The following GTF3C6 variants were observed in gnomAD, a reference collection of about 807,000 sequenced individuals.
The protein encoded by GTF3C6 is general transcription factor IIIC subunit 6.
GTF3C6 carries 11 observed loss-of-function variants against 19.2 expected under a neutral mutation model. The observed-to-expected ratio is 0.57, with a 90% confidence interval of 0.36 to 0.95. The LOEUF (loss-of-function observed/expected upper bound fraction) is 0.95, where lower values mean the gene tolerates loss of function less well. Among genes scored for constraint, GTF3C6 ranks in the 40% least tolerant of loss-of-function variants. GTF3C6 has a pLI of 0.01. For missense variants in GTF3C6, 222 were observed against 254.7 expected, an observed-to-expected ratio of 0.87 and a Z score of 0.87; for synonymous variants, 87 against 84.2, an observed-to-expected ratio of 1.03 and a Z score of -0.18.
intron 4 of GTF3C6, among the ~76,000 whole-genome samples, chr6:110,961,238 C>T (rs1017882831): frequency 6.6e-6 from 1 of 151,404 alleles, no homozygotes; most frequent in Non-Finnish European, 1.5e-5. Flanking sequence ...GCAACCTCCA[C>T]CTCCCAGGTT....
chr6:110,959,122 C>T (rs374925768), intron 1 of GTF3C6, 50 bp from the exon 2 acceptor site: 126 of 1,333,228 alleles, frequency 9.5e-5, no homozygotes, highest in Non-Finnish European at 1.3e-4. Context: ...CTAATTGCTC[C>T]CTCTTGGCCG....
chr6:110,966,365 T>C (rs1771229374), intron 5 of GTF3C6, among the ~76,000 whole-genome samples: 1 of 152,060 alleles, frequency 6.6e-6, no homozygotes, highest in Non-Finnish European at 1.5e-5. Context: ...TAATCCCAGC[T>C]ACTCGGGAGG....
chr6:110,958,752 G>GC lies in GTF3C6; in HGVS notation c.-17dup. On this transcript the variant is annotated 5_prime_UTR_variant, in exon 1 of 6. Transcript: ENST00000329970. ...GGCGGGCGTGGCCAGTGACTAGAAG[G>GC]CGAGGCGCCGCGGGACCATGGCGGC... is the stretch of plus-strand genomic sequence containing the variant. The GC allele has an allele frequency of 6.4e-7, 1 of 1,550,578 alleles. No individual in the cohort carries two copies. The highest frequency in any genetic ancestry group is 8.7e-7 in the Non-Finnish European group (1 of 1,146,882).
intron 5 of GTF3C6, among the ~76,000 whole-genome samples, chr6:110,964,571 C>G (rs1339402407): frequency 6.6e-6 from 1 of 152,004 alleles, no homozygotes; most frequent in Non-Finnish European, 1.5e-5. Context: ...GAGTCTCACC[C>G]TGTTGCCTGG....
At position 110,960,741 on chromosome 6, in the gene GTF3C6, A is replaced by T. The variant is rs1012933174; in HGVS notation, c.247+125A>T. On this transcript the variant is annotated intron_variant, in intron 4 of 5. Transcript: ENST00000329970. Reference sequence around the variant, plus strand: ...CCTATCATTTTCCCAAACGTGACTCAGATTATAGTTAAAAAAAAAAAATGC... The same window carrying T: ...CCTATCATTTTCCCAAACGTGACTCTGATTATAGTTAAAAAAAAAAAATGC... 30 of 831,418 alleles carry T rather than the reference A, an allele frequency of 3.6e-5. No individual in the cohort carries two copies. In the African/African-American group the frequency reaches 5.1e-4, roughly 14 times the overall value. 51.5% of individuals were successfully genotyped at this position (831,418 alleles called of 1,614,324 possible).
chr6:110,963,727 A>G (rs569886719), intron 5 of GTF3C6, among the ~76,000 whole-genome samples: 27 of 144,832 alleles, frequency 1.9e-4, no homozygotes, highest in African/African-American at 7.0e-4. Context: ...TTTTGGAGAC[A>G]GTCTCGCTCT....
At chr6:110,959,726 G>C (rs576102167) in intron 2 of GTF3C6, among the ~76,000 whole-genome samples, 1 of 152,106 alleles carries the variant, frequency 6.6e-6, no homozygotes, top group Non-Finnish European at 1.5e-5. Flanking sequence ...CTGGGAGGCC[G>C]AGGCGGGTAG....
chr6:110,960,702 T>C, intron 4 of GTF3C6, 86 bp downstream of exon 4: 2 of 1,018,254 alleles, frequency 2.0e-6, no homozygotes. Flanking sequence ...ATCCACTGTC[T>C]AGCTGTATCA....
rs755039768 is a variant in GTF3C6, at chr6:110,967,687, A to G, written c.539A>G (p.Gln180Arg). ...GACAGTTCAAACCTGAGTTGTGAACAGGAGAAACCAATGCACTTGGAAATA... is the reference window on the plus strand; with the variant it reads ...GACAGTTCAAACCTGAGTTGTGAACGGGAGAAACCAATGCACTTGGAAATA... ...MNDSSNLSCE[Q>R]EKPMHLEIED... The change falls in exon 6 of 6, where the codon CAG becomes CGG. Residue 180 changes from glutamine to arginine, a missense_variant. Transcript: ENST00000329970. 10 of 1,614,168 alleles carry G rather than the reference A, an allele frequency of 6.2e-6. No homozygotes were observed. The highest frequency in any genetic ancestry group is 7.6e-6 in the Non-Finnish European group (9 of 1,180,006).
intron 5 of GTF3C6, among the ~76,000 whole-genome samples, chr6:110,965,977 C>G (rs1245230754): frequency 6.6e-6 from 1 of 152,198 alleles, no homozygotes; most frequent in East Asian, 1.9e-4. Flanking sequence ...GAAGGCTTGA[C>G]TAATGCTGGA....
At chr6:110,959,627 C>G (rs894786678) in intron 2 of GTF3C6, among the ~76,000 whole-genome samples, 2 of 151,814 alleles carry the variant, frequency 1.3e-5, no homozygotes, top group Admixed American at 1.3e-4. Flanking sequence ...AATTGGAGAC[C>G]ATCCTAGGCA....
At chr6:110,958,999 G>A (rs1005721970) in intron 1 of GTF3C6, 173 bp downstream of exon 1, 9 of 844,794 alleles carry the variant, frequency 1.1e-5, no homozygotes, top group Non-Finnish European at 1.7e-5. Flanking sequence ...AGCCCTAATC[G>A]TCACCCCGTA....
At chr6:110,961,574 T>A (rs144469817) in intron 4 of GTF3C6, among the ~76,000 whole-genome samples, 8 of 152,326 alleles carry the variant, frequency 5.3e-5, no homozygotes, top group African/African-American at 1.9e-4. Context: ...CTCAAGGGCC[T>A]TATCCTCCGT....
At chr6:110,967,415 T>A (rs1771243105) in intron 5 of GTF3C6, 95 bp from the exon 6 acceptor site, 1 of 1,077,306 alleles carries the variant, frequency 9.3e-7, no homozygotes, top group Admixed American at 2.5e-5. Context: ...CAGTTTGACA[T>A]GTATTCATAG....
chr6:110,960,953 C>T (rs919677149), intron 4 of GTF3C6, among the ~76,000 whole-genome samples: 20 of 151,544 alleles, frequency 1.3e-4, no homozygotes, highest in African/African-American at 4.8e-4. Flanking sequence ...GACTGAGGCA[C>T]GAGAATTGCT....
In GTF3C6 at chr6:110,958,818, G is replaced by A. The variant is rs1771118867; in HGVS notation, c.49G>A (p.Glu17Lys). ...ERSPEDGEDE[E>K]EEEQLVLVEL... is the part of the protein sequence containing the mutation. Reference sequence around the variant, plus strand: ...GAGTCCAGAGGACGGAGAAGACGAGGAAGAGGAGGTAGTAAGCGCTACGCC... The same window carrying A: ...GAGTCCAGAGGACGGAGAAGACGAGAAAGAGGAGGTAGTAAGCGCTACGCC... Residue 17 changes from glutamate to lysine, a missense_variant, in exon 1 of 6, where the codon GAA (glutamate) becomes AAA (lysine). By Grantham distance (56) the Glu-to-Lys change is moderately conservative. Transcript: ENST00000329970. 6.4e-7 allele frequency: 1 copy of A among 1,551,238 alleles called. No homozygotes were observed. Among genetic ancestry groups the A allele is most frequent in the Non-Finnish European group, 8.7e-7 (1 of 1,146,942 alleles).
In GTF3C6 at chr6:110,958,784, G is replaced by GGAC. The variant is rs1562357442; in HGVS notation, c.18_20dup (p.Asp6dup). On this transcript the variant is annotated inframe_insertion, in exon 1 of 6. Transcript: ENST00000329970. ...GCCGCGGGACCATGGCGGCGGCGGC[G>GGAC]GACGAGCGGAGTCCAGAGGACGGAG... The GGAC allele has an allele frequency of 6.4e-7, 1 of 1,551,030 alleles. No homozygotes were observed. The highest frequency in any genetic ancestry group is 1.2e-5 in the South Asian group (1 of 84,034).
At chr6:110,964,743 G>A (rs943189131) in intron 5 of GTF3C6, among the ~76,000 whole-genome samples, 2 of 152,050 alleles carry the variant, frequency 1.3e-5, no homozygotes, top group African/African-American at 2.4e-5. Context: ...CCAGGTTCAA[G>A]TGATTCTCAT....
intron 5 of GTF3C6, among the ~76,000 whole-genome samples, chr6:110,963,322 G>A (rs933365114): frequency 1.3e-5 from 2 of 152,174 alleles, no homozygotes; most frequent in African/African-American, 2.4e-5. Context: ...TGGGGACATA[G>A]AAATCTTTTA....
Sources: allele counts gnomAD v4.1 joint callset (sites outside exome capture counted in the v4.1 genomes callset), GRCh38; gene constraint gnomAD v4.1.1; transcripts MANE v1.5; gene names NCBI Gene and HGNC (gene_info 2026-07-23, HGNC 2026-07-21).